Variants in NBEA observed in about 807,000 individuals in gnomAD.
NBEA encodes the protein neurobeachin.
Under a neutral mutation model 343.4 loss-of-function variants are expected in NBEA, and 44 were observed. The ratio of observed to expected loss-of-function variants is 0.13; its 90% CI spans 0.10 to 0.16. NBEA has a LOEUF of 0.16. NBEA is among the 10% of genes least tolerant of loss of function. The pLI is 1.00. For missense variants in NBEA, 2,555 were observed against 3,631.3 expected (o/e 0.70, Z 7.62); for synonymous variants, 1,175 against 1,238.7 (o/e 0.95, Z 1.08).
intron 34 of NBEA, among the ~76,000 whole-genome samples, chr13:35,260,078 C>T (rs1383808104): frequency 6.6e-6 from 1 of 152,140 alleles, no homozygotes; most frequent in Non-Finnish European, 1.5e-5. Context: ...TGTATACAAT[C>T]AAGGATTTTA....
intron 38 of NBEA, among the ~76,000 whole-genome samples, chr13:35,420,323 A>G (rs1254482822): frequency 2.6e-5 from 4 of 152,068 alleles, no homozygotes; most frequent in Admixed American, 6.6e-5. Flanking sequence ...GAACTTTTCT[A>G]AAATTGTGAA....
intron 48 of NBEA, among the ~76,000 whole-genome samples, chr13:35,608,949 T>C (rs185576220): frequency 1.5e-4 from 23 of 152,372 alleles, no homozygotes; most frequent in Admixed American, 1.4e-3. Flanking sequence ...CTCTTTCCAG[T>C]ATGCCAGCTA....
Position 35,513,302 on chromosome 13 carries a change from ATTTTTTTTT to A in NBEA, c.6586-37155_6586-37147del, listed in dbSNP as rs754363500. 5.7e-4 allele frequency among the ~76,000 whole-genome samples: 41 copies of A among 72,292 alleles called. 2 individuals are homozygous for A. In the South Asian group the frequency reaches 0.016, roughly 28 times the overall value. 47.4% of individuals were successfully genotyped at this position (72,292 alleles called of 152,430 possible). ...CAGGCGCCTGCCACCACACCTGGCA[ATTTTTTTTT>A]TTTTTTTTTTTTTTTTTTTAGTAGA... is the stretch of plus-strand genomic sequence containing the variant. On this transcript the variant is annotated intron_variant, in intron 41 of 58. Transcript: ENST00000379939.
intron 38 of NBEA, among the ~76,000 whole-genome samples, chr13:35,368,560 T>A (rs1383209451): frequency 6.6e-6 from 1 of 151,668 alleles, no homozygotes; most frequent in Non-Finnish European, 1.5e-5. Flanking sequence ...AATCAAAAAT[T>A]ATTTGTTTTT....
intron 31 of NBEA, among the ~76,000 whole-genome samples, chr13:35,202,076 A>G (rs1381113910): frequency 2.6e-5 from 4 of 152,158 alleles, no homozygotes; most frequent in Non-Finnish European, 5.9e-5. Context: ...ATCTAAAGCA[A>G]TTCCTTTAAC....
At position 35,665,169 on chromosome 13, in the gene NBEA, T is replaced by A; in HGVS notation, c.8447T>A (p.Val2816Asp). ...CVSVCAELGL[V>D]ISGAKEGPCL... ...TCTGTCTGTGCAGAACTTGGGCTTG[T>A]TATCAGTGGTGCTAAAGGTCAGAAG... Residue 2816 changes from valine (V) to aspartate (D), a missense_variant, in exon 56 of 59, where the codon GTT becomes GAT. Val to Asp is a radical substitution (Grantham distance 152). Coordinates refer to ENST00000379939, the MANE Select transcript of NBEA (RefSeq NM_001385012.1). 1 of 1,589,064 alleles carries A rather than the reference T, an allele frequency of 6.3e-7. No homozygotes were observed. The highest frequency in any genetic ancestry group is 1.1e-5 in the South Asian group (1 of 87,066).
At chr13:35,167,696 TTTG>T (rs969907129) in intron 24 of NBEA, among the ~76,000 whole-genome samples, 3 of 151,882 alleles carry the variant, frequency 2.0e-5, no homozygotes, top group Non-Finnish European at 2.9e-5. Context: ...CAGCATTATT[TTTG>T]TTGTTGTTGA....
intron 36 of NBEA, among the ~76,000 whole-genome samples, chr13:35,314,484 C>T (rs9593083): frequency 6.6e-6 from 1 of 152,008 alleles, no homozygotes; most frequent in Non-Finnish European, 1.5e-5. Context: ...GTACCTTTCT[C>T]TGTTCTCCCA....
intron 1 of NBEA, among the ~76,000 whole-genome samples, chr13:34,998,884 G>T (rs887054672): frequency 4.6e-5 from 7 of 152,108 alleles, no homozygotes; most frequent in Non-Finnish European, 8.8e-5. Flanking sequence ...AATCACAAGG[G>T]TATTGATTGG....
chr13:35,452,209 A>G lies in NBEA; in HGVS notation c.6422A>G (p.Gln2141Arg), dbSNP rs1462489686. ...GACGATGATGCAGTCAGTCTGCTAC[A>G]GGAGAAAGAAATTGACAACCTTGCA... is the stretch of plus-strand genomic sequence containing the variant. ...EGDDDAVSLL[Q>R]EKEIDNLAGP... The change falls in exon 40 of 59, where the codon CAG becomes CGG. Residue 2141 changes from glutamine to arginine, a missense_variant. By Grantham distance (43) the Gln-to-Arg change is conservative. Transcript: ENST00000379939. 1.9e-6 allele frequency: 3 copies of G among 1,589,698 alleles called. No homozygotes were observed. Among genetic ancestry groups the G allele is most frequent in the Non-Finnish European group, 2.6e-6 (3 of 1,167,692 alleles).
In NBEA at chr13:35,415,735, A is replaced by G. The variant is rs2043867096; in HGVS notation, c.6180-16534A>G. ...GATGTGGGCTCTTTTTTGGTTCCAT[A>G]TGAACTTTAAAGTAGTTTTTTCCAA... On this transcript the variant is annotated intron_variant, in intron 38 of 58. Transcript: ENST00000379939. Among the ~76,000 whole-genome samples the G allele has an allele frequency of 7.2e-5, 11 of 152,176 alleles. No homozygotes were observed. In the South Asian group the frequency reaches 2.3e-3, roughly 32 times the overall value.
intron 10 of NBEA, among the ~76,000 whole-genome samples, chr13:35,079,021 TAAAAACA>T (rs1028082076): frequency 1.6e-4 from 25 of 151,944 alleles, no homozygotes; most frequent in African/African-American, 4.6e-4. Context: ...ATTGTGTCTT[TAAAAACA>T]AAAAACAAAA....
At chr13:35,582,068 T>C (rs2081077212) in intron 45 of NBEA, among the ~76,000 whole-genome samples, 2 of 151,958 alleles carry the variant, frequency 1.3e-5, no homozygotes, top group African/African-American at 4.8e-5. Context: ...GGGCGAATCA[T>C]GAGGTCAGGA....
At chr13:35,286,158 A>G (rs998937119) in intron 34 of NBEA, among the ~76,000 whole-genome samples, 2 of 152,044 alleles carry the variant, frequency 1.3e-5, no homozygotes, top group Non-Finnish European at 2.9e-5. Flanking sequence ...TGCTTATATT[A>G]TCTGCCCCAC....
chr13:35,274,294 C>T (rs1479005481), intron 34 of NBEA, among the ~76,000 whole-genome samples: 1 of 152,108 alleles, frequency 6.6e-6, no homozygotes, highest in Non-Finnish European at 1.5e-5. Flanking sequence ...GCAGAAAAGG[C>T]CGTTAACAAA....
At chr13:35,016,871 G>A (rs913837616) in intron 1 of NBEA, among the ~76,000 whole-genome samples, 2 of 152,150 alleles carry the variant, frequency 1.3e-5, no homozygotes, top group African/African-American at 4.8e-5. Context: ...AGGCCTGGGA[G>A]TTGGGAGAAA....
intron 33 of NBEA, among the ~76,000 whole-genome samples, chr13:35,227,122 G>A (rs183687444): frequency 9.7e-4 from 147 of 151,932 alleles, no homozygotes; most frequent in Admixed American, 2.7e-3. Context: ...AGATCACAGG[G>A]AAGTAAAATA....
At chr13:35,268,897 A>G (rs377411825) in intron 34 of NBEA, among the ~76,000 whole-genome samples, 1 of 152,132 alleles carries the variant, frequency 6.6e-6, no homozygotes, top group African/African-American at 2.4e-5. Context: ...TAGACTGCCA[A>G]CCTGTTATTC....
chr13:35,258,614 G>C (rs2032895365), intron 34 of NBEA, among the ~76,000 whole-genome samples: 1 of 151,648 alleles, frequency 6.6e-6, no homozygotes, highest in Non-Finnish European at 1.5e-5. Context: ...CCTAGAATAA[G>C]AAGTAATAAC....
Sources: allele counts gnomAD v4.1 joint callset (sites outside exome capture counted in the v4.1 genomes callset), GRCh38; gene constraint gnomAD v4.1.1; transcripts MANE v1.5; gene names NCBI Gene and HGNC (gene_info 2026-07-23, HGNC 2026-07-21).